SLC7A7: variants seen among roughly 807,000 people sequenced by gnomAD.
SLC7A7 encodes the protein Y+L amino acid transporter 1.
SLC7A7 carries 39 observed loss-of-function variants against 47.9 expected under a neutral mutation model. The ratio of observed to expected loss-of-function variants is 0.81; its 90% CI spans 0.63 to 1.06. SLC7A7 has a LOEUF of 1.06. Ranked by LOEUF, SLC7A7 falls within the 50% of genes least tolerant of loss-of-function variation. The pLI is 0.00. For missense variants in SLC7A7, 588 were observed against 632.0 expected (o/e 0.93, Z 0.75); for synonymous variants, 234 against 242.8 (o/e 0.96, Z 0.34).
chr14:22,788,777 C>T (rs2038872140), intron 2 of SLC7A7, among the ~76,000 whole-genome samples: 1 of 150,692 alleles, frequency 6.6e-6, no homozygotes, highest in South Asian at 2.1e-4. Context: ...ACATAATAAG[C>T]AAGCCAGATG....
At chr14:22,817,623 G>C (rs761705320), upstream of SLC7A7, among the ~76,000 whole-genome samples, 1 of 152,216 alleles carries the variant, frequency 6.6e-6, no homozygotes, top group Non-Finnish European at 1.5e-5. Flanking sequence ...TTACAGGCAT[G>C]AGCCATTGTG....
chr14:22,792,124 C>A (rs1469594035), intron 2 of SLC7A7, among the ~76,000 whole-genome samples: 1 of 151,998 alleles, frequency 6.6e-6, no homozygotes, highest in Non-Finnish European at 1.5e-5. Flanking sequence ...CTTGAGCCAC[C>A]GCGCCCGGCC....
chr14:22,801,044 G>A (rs1384573274), intron 2 of SLC7A7, among the ~76,000 whole-genome samples: 4 of 152,096 alleles, frequency 2.6e-5, no homozygotes, highest in Non-Finnish European at 5.9e-5. Flanking sequence ...CCCTGACCTA[G>A]AACTGTCCCA....
chr14:22,788,687 G>C (rs537488248), intron 2 of SLC7A7, among the ~76,000 whole-genome samples: 3 of 146,344 alleles, frequency 2.0e-5, no homozygotes, highest in East Asian at 4.0e-4. Context: ...CCGGGCGACA[G>C]AGTGAGACTC....
chr14:22,796,943 G>A (rs777233566), intron 2 of SLC7A7, among the ~76,000 whole-genome samples: 3 of 152,122 alleles, frequency 2.0e-5, no homozygotes, highest in Admixed American at 6.6e-5. Flanking sequence ...GACAGCATGC[G>A]GAAGGTAAAG....
intron 2 of SLC7A7, among the ~76,000 whole-genome samples, chr14:22,782,411 A>AT (rs1387924114): frequency 1.6e-5 from 2 of 123,520 alleles, no homozygotes; most frequent in African/African-American, 7.0e-5. Context: ...CCTATATTTT[A>AT]TTATTTTTTT....
At chr14:22,814,018 G>A (rs1275476168) in intron 1 of SLC7A7, among the ~76,000 whole-genome samples, 3 of 151,398 alleles carry the variant, frequency 2.0e-5, no homozygotes, top group Non-Finnish European at 3.0e-5. Flanking sequence ...TCAAACTCCC[G>A]ACCTCAGGTT....
intron 7 of SLC7A7, 98 bp downstream of exon 7, chr14:22,775,346 A>G: frequency 1.0e-6 from 1 of 1,001,932 alleles, no homozygotes; most frequent in South Asian, 1.3e-5. Flanking sequence ...TTCTATTGGA[A>G]TCTTTCAGAG....
At chr14:22,812,790 T>TATATATATATATATATATATATATAA (rs2039333654) in intron 2 of SLC7A7, 110 bp downstream of exon 2, 1 of 772,314 alleles carries the variant, frequency 1.3e-6, no homozygotes, top group Non-Finnish European at 2.0e-6. Flanking sequence ...TATATATATA[T>TATATATATATATATATATATATATAA]ATGTTGTCAG....
intron 4 of SLC7A7, among the ~76,000 whole-genome samples, chr14:22,778,275 C>T (rs2139393745): frequency 6.6e-6 from 1 of 152,260 alleles, no homozygotes; most frequent in South Asian, 2.1e-4. Context: ...ACTCTAGGTC[C>T]TTGACTTCCT....
At chr14:22,779,374 C>T (rs12888930) in intron 3 of SLC7A7, among the ~76,000 whole-genome samples, 50,380 of 152,024 alleles carry the variant, frequency 0.33, 9,329 homozygotes, top group East Asian at 0.62. Context: ...AGTTAAAGGA[C>T]AGACTTTTGG....
intron 2 of SLC7A7, among the ~76,000 whole-genome samples, chr14:22,783,638 T>G (rs1055462411): frequency 3.9e-5 from 6 of 152,000 alleles, no homozygotes; most frequent in Non-Finnish European, 1.5e-5. Flanking sequence ...TGACCTCAGG[T>G]GATCCGCCTG....
rs746125111 is a variant in SLC7A7, at chr14:22,775,854, G to T, written c.977C>A (p.Ala326Asp). The T allele has an allele frequency of 6.2e-7, 1 of 1,613,338 alleles. No homozygotes were observed. Among genetic ancestry groups the T allele is most frequent in the Non-Finnish European group, 8.5e-7 (1 of 1,179,272 alleles). Residue 326 changes from alanine to aspartate, a missense_variant, in exon 6 of 10, where the codon GCC (alanine) becomes GAC (aspartate). By Grantham distance (126) the Ala-to-Asp change is moderately radical. Transcript: ENST00000674313. ...VALSCFGGLN[A>D]SIVAASRLFF... ...TTACCTAGAAGCAGCCACAATGGAG[G>T]CATTGAGGCCACCAAAACAGGATAA...
intron 2 of SLC7A7, among the ~76,000 whole-genome samples, chr14:22,805,861 G>C (rs1461119046): frequency 6.6e-6 from 1 of 152,032 alleles, no homozygotes; most frequent in Non-Finnish European, 1.5e-5. Flanking sequence ...ATACATCAAA[G>C]GCCGAGGGCG....
intron 7 of SLC7A7, among the ~76,000 whole-genome samples, 182 bp from the exon 8 acceptor site, chr14:22,774,685 G>C (rs1045304721): frequency 2.6e-5 from 4 of 152,042 alleles, no homozygotes; most frequent in African/African-American, 9.7e-5. Context: ...TAAGTCAGTA[G>C]TCTCAACTGG....
At chr14:22,813,561 C>T in intron 1 of SLC7A7, 121 bp from the exon 2 acceptor site, 1 of 760,464 alleles carries the variant, frequency 1.3e-6, no homozygotes, top group South Asian at 1.5e-5. Context: ...CTCCAAATAA[C>T]CTTTTCTCCA....
chr14:22,810,039 C>CAAAAAAAAAAAAAAAAAAAAAAAAAAAA, intron 2 of SLC7A7, among the ~76,000 whole-genome samples: 1 of 60,694 alleles, frequency 1.6e-5, no homozygotes, highest in Non-Finnish European at 2.8e-5. Context: ...AACACTGTCT[C>CAAAAAAAAAAAAAAAAAAAAAAAAAAAA]AAAAAAAAAA....
intron 2 of SLC7A7, among the ~76,000 whole-genome samples, chr14:22,784,416 G>A (rs1033442879): frequency 3.9e-5 from 6 of 152,054 alleles, no homozygotes; most frequent in Non-Finnish European, 7.4e-5. Flanking sequence ...TCAAGAGATC[G>A]AGACCATCCT....
rs770457519 is a variant in SLC7A7 at position 22,775,914 on chromosome 14, C to G, written c.917G>C (p.Gly306Ala). ...CAGTGGAATTATCCAGTTAAATATT[C>G]CAAATATCTGATCTGCAAAAGTCTA... is the stretch of plus-strand genomic sequence containing the variant. Reference protein sequence around the residue: ...VAVTFADQIFGIFNWIIPLSV... With the variant: ...VAVTFADQIFAIFNWIIPLSV... Residue 306 changes from glycine to alanine, a missense_variant, in exon 6 of 10, where the codon GGA (glycine) becomes GCA (alanine). Physicochemically the swap from Gly to Ala is moderately conservative, Grantham distance 60 (BLOSUM62 0). Coordinates refer to ENST00000674313, the MANE Select transcript of SLC7A7 (RefSeq NM_003982.4). 1 of 1,613,856 alleles carries G rather than the reference C, an allele frequency of 6.2e-7. No individual in the cohort carries two copies. The highest frequency in any genetic ancestry group is 8.5e-7 in the Non-Finnish European group (1 of 1,179,772).
Sources: gnomAD v4.1 joint callset for allele counts (sites outside exome capture counted in the v4.1 genomes callset) on GRCh38, gnomAD v4.1.1 for gene constraint, MANE v1.5 for transcripts, NCBI Gene and HGNC (gene_info 2026-07-23, HGNC 2026-07-21) for gene names.